LYPLAL1: variants seen among roughly 807,000 people sequenced by gnomAD.
LYPLAL1 encodes lysophospholipase-like protein 1.
In LYPLAL1, 23 loss-of-function variants were observed where a neutral mutation model predicts 19.7. That is an observed-to-expected ratio of 1.17 (90% CI 0.84 to 1.65). The LOEUF (loss-of-function observed/expected upper bound fraction) is 1.65. Ranked by LOEUF, LYPLAL1 falls within the 40% of genes most tolerant of loss-of-function variation. LYPLAL1 has a pLI of 0.00. For missense variants in LYPLAL1, 355 were observed against 279.4 expected (o/e 1.27, Z -1.93); for synonymous variants, 119 against 96.3 (o/e 1.24, Z -1.38).
chr1:219,294,364 A>T, the LYPLAL1 span, among the ~76,000 whole-genome samples: 2 of 152,114 alleles, frequency 1.3e-5, no homozygotes, highest in African/African-American at 4.8e-5. Flanking sequence ...TTTCCATTCC[A>T]TCCTCTCCAC....
the LYPLAL1 span, among the ~76,000 whole-genome samples, chr1:219,364,139 T>C: frequency 1.3e-5 from 2 of 152,190 alleles, no homozygotes; most frequent in African/African-American, 4.8e-5. Flanking sequence ...AGGACAAAGA[T>C]GACAGGCTGA....
chr1:219,428,668 C>T, the LYPLAL1 span, among the ~76,000 whole-genome samples: 1 of 152,206 alleles, frequency 6.6e-6, no homozygotes, highest in Non-Finnish European at 1.5e-5. Flanking sequence ...TAGTGGCTCT[C>T]TCTTATATCG....
At chr1:219,328,126 C>G in the LYPLAL1 span, among the ~76,000 whole-genome samples, 1 of 152,306 alleles carries the variant, frequency 6.6e-6, no homozygotes, top group South Asian at 2.1e-4. Context: ...CCAACTTGAA[C>G]TTTTTCTGTA....
the LYPLAL1 span, chr1:219,409,796 C>T: frequency 1.3e-5 from 2 of 152,108 alleles, no homozygotes; most frequent in Non-Finnish European, 2.9e-5. Flanking sequence ...ATGAGCCAGT[C>T]CTGAAGAAGC....
At chr1:219,411,018 C>G in the LYPLAL1 span, among the ~76,000 whole-genome samples, 1 of 152,232 alleles carries the variant, frequency 6.6e-6, no homozygotes, top group Admixed American at 6.5e-5. Context: ...ATCAACCACC[C>G]AAGGGCTGAG....
intron 1 of LYPLAL1, among the ~76,000 whole-genome samples, chr1:219,176,814 C>T (rs921150893): frequency 6.6e-6 from 1 of 152,156 alleles, no homozygotes; most frequent in South Asian, 2.1e-4. Flanking sequence ...ATCTAACTGC[C>T]TGATAGACAT....
chr1:219,301,056 T>A, the LYPLAL1 span, among the ~76,000 whole-genome samples: 104 of 144,890 alleles, frequency 7.2e-4, no homozygotes, highest in Admixed American at 1.3e-3. Context: ...ACTCCACCTC[T>A]AAAAAAAAAA....
the LYPLAL1 span, among the ~76,000 whole-genome samples, chr1:219,229,419 G>T: frequency 1.3e-5 from 2 of 149,822 alleles, no homozygotes; most frequent in South Asian, 4.3e-4. Context: ...CCTGATTCCC[G>T]GCGAAAAGCA....
At chr1:219,186,003 G>T (rs778088996) in intron 2 of LYPLAL1, among the ~76,000 whole-genome samples, 3 of 151,830 alleles carry the variant, frequency 2.0e-5, no homozygotes, top group Non-Finnish European at 4.4e-5. Flanking sequence ...GGGCATGTGG[G>T]ATGGAAGGTA....
chr1:219,256,513 T>G, the LYPLAL1 span, among the ~76,000 whole-genome samples: 1 of 151,822 alleles, frequency 6.6e-6, no homozygotes, highest in Non-Finnish European at 1.5e-5. Context: ...GTCTTACTAG[T>G]GCTGCTACTT....
the LYPLAL1 span, among the ~76,000 whole-genome samples, chr1:219,338,300 G>T: frequency 6.6e-6 from 1 of 152,010 alleles, no homozygotes; most frequent in African/African-American, 2.4e-5. Flanking sequence ...TGGGAATGAG[G>T]CCAAGAATAG....
the LYPLAL1 span, among the ~76,000 whole-genome samples, chr1:219,440,220 A>T: frequency 4.0e-5 from 6 of 151,860 alleles, no homozygotes; most frequent in Non-Finnish European, 5.9e-5. Flanking sequence ...CGTAGATTAG[A>T]TTAAGCAAAA....
chr1:219,192,230 CT>C (rs1201020580), intron 2 of LYPLAL1, among the ~76,000 whole-genome samples: 9 of 151,718 alleles, frequency 5.9e-5, no homozygotes, highest in African/African-American at 2.2e-4. Flanking sequence ...CACCTGTTGT[CT>C]TTTAGCCGTC....
At chr1:219,270,070 C>A in the LYPLAL1 span, among the ~76,000 whole-genome samples, 1 of 152,196 alleles carries the variant, frequency 6.6e-6, no homozygotes, top group African/African-American at 2.4e-5. Flanking sequence ...GGCATAAAGG[C>A]TAGATTCTGG....
At chr1:219,429,687 GA>G in the LYPLAL1 span, among the ~76,000 whole-genome samples, 5 of 152,002 alleles carry the variant, frequency 3.3e-5, no homozygotes, top group African/African-American at 1.2e-4. Context: ...AAATAAGAAA[GA>G]AATTCCCAGG....
At chr1:219,410,930 C>T in the LYPLAL1 span, among the ~76,000 whole-genome samples, 1 of 152,352 alleles carries the variant, frequency 6.6e-6, no homozygotes, top group South Asian at 2.1e-4. Flanking sequence ...GCCTGAGCCT[C>T]CCACCCACTC....
the LYPLAL1 span, among the ~76,000 whole-genome samples, chr1:219,255,445 G>A: frequency 3.3e-5 from 5 of 151,496 alleles, no homozygotes; most frequent in Non-Finnish European, 5.9e-5. Context: ...TGTTTTTATT[G>A]GTCTAATATG....
At chr1:219,332,075 G>A in the LYPLAL1 span, among the ~76,000 whole-genome samples, 2 of 152,174 alleles carry the variant, frequency 1.3e-5, no homozygotes, top group African/African-American at 4.8e-5. Flanking sequence ...AAAGACTGAA[G>A]CAGAAGTGAT....
intron 2 of LYPLAL1, among the ~76,000 whole-genome samples, chr1:219,187,696 A>G (rs1200273851): frequency 6.6e-6 from 1 of 151,736 alleles, no homozygotes; most frequent in Admixed American, 6.6e-5. Context: ...GTAAATATGT[A>G]TTCTAAAATA....
Sources: allele counts gnomAD v4.1 joint callset (sites outside exome capture counted in the v4.1 genomes callset), GRCh38; gene constraint gnomAD v4.1.1; transcripts MANE v1.5; gene names NCBI Gene and HGNC (gene_info 2026-07-23, HGNC 2026-07-21).